RNF38: variants seen among roughly 807,000 people sequenced by gnomAD.
The protein encoded by RNF38 is E3 ubiquitin-protein ligase RNF38.
A neutral mutation model predicts 67.2 loss-of-function variants in RNF38; 15 were observed. That is an observed-to-expected ratio of 0.22 (90% CI 0.15 to 0.34). RNF38 has a LOEUF of 0.34. Ranked by LOEUF, RNF38 falls within the 10% of genes least tolerant of loss-of-function variation. The pLI, the probability that RNF38 is intolerant of heterozygous loss-of-function variation, is 1.00. For synonymous variants in RNF38, 220 were observed against 218.8 expected, an observed-to-expected ratio of 1.01 and a Z score of -0.05; for missense variants, 524 against 639.9, an observed-to-expected ratio of 0.82 and a Z score of 1.95.
intron 1 of RNF38, among the ~76,000 whole-genome samples, chr9:36,478,587 G>T (rs1346978642): frequency 6.6e-6 from 1 of 151,694 alleles, no homozygotes; most frequent in African/African-American, 2.4e-5. Flanking sequence ...GGAGGCCGAG[G>T]AGGGTAGATC....
chr9:36,345,159 A>G (rs1344472277), intron 9 of RNF38, among the ~76,000 whole-genome samples: 1 of 152,140 alleles, frequency 6.6e-6, no homozygotes, highest in African/African-American at 2.4e-5. Context: ...TGGAGCTACA[A>G]TTGCGTACCA....
At chr9:36,372,643 G>A (rs1158073249) in intron 3 of RNF38, 2 of 612,282 alleles carry the variant, frequency 3.3e-6, no homozygotes, top group East Asian at 2.9e-5. Flanking sequence ...ACACACTGCT[G>A]AAAAAAACAC....
Position 36,379,652 on chromosome 9 carries a change from C to T in RNF38, c.163-3525G>A, listed in dbSNP as rs151077999. ...AATATCCAATAAATGACAGAAGTAA[C>T]CCAGAGAGTACAATGAAATGAAATT... is the stretch of plus-strand genomic sequence containing the variant. On this transcript the variant is annotated intron_variant, in intron 2 of 11. Transcript: ENST00000259605. Among the ~76,000 whole-genome samples, 72 of 152,100 alleles carry T rather than the reference C, an allele frequency of 4.7e-4. No homozygotes were observed. In the South Asian group the frequency reaches 6.9e-3, roughly 14 times the overall value.
chr9:36,379,101 T>A (rs763796840), intron 2 of RNF38, among the ~76,000 whole-genome samples: 1 of 152,258 alleles, frequency 6.6e-6, no homozygotes, highest in Middle Eastern at 3.4e-3. Context: ...GGTTTCTCTG[T>A]GTTGGTCAGG....
chr9:36,420,365 T>G lies in RNF38; in HGVS notation n.312+4248A>C, dbSNP rs928420475. On this transcript the variant is annotated intron_variant and non_coding_transcript_variant, in intron 2 of 3. Transcript: ENST00000488058. ...GGCTAACACAGTGAAACCCCCTCTC[T>G]ACTACAAATACAAAAAATTAGCCAG... 5.3e-4 allele frequency among the ~76,000 whole-genome samples: 80 copies of G among 151,818 alleles called. 1 individual carries two copies. Among genetic ancestry groups the G allele is most frequent in the African/African-American group, 1.9e-3 (77 of 41,366 alleles).
At chr9:36,467,455 G>A (rs193045397) in intron 1 of RNF38, among the ~76,000 whole-genome samples, 1 of 152,122 alleles carries the variant, frequency 6.6e-6, no homozygotes, top group East Asian at 1.9e-4. Flanking sequence ...CAAGGAGGCT[G>A]CAGCTCTGAG....
At chr9:36,410,365 C>T (rs533364688) in intron 2 of RNF38, among the ~76,000 whole-genome samples, 7 of 152,154 alleles carry the variant, frequency 4.6e-5, no homozygotes, top group Admixed American at 3.3e-4. Flanking sequence ...CTTGCTCTGT[C>T]GCCCAGGCTG....
chr9:36,436,808 C>T (rs1472276283), intron 1 of RNF38, among the ~76,000 whole-genome samples: 2 of 112,780 alleles, frequency 1.8e-5, no homozygotes, highest in East Asian at 2.5e-4. Flanking sequence ...GGCGACAGAG[C>T]GAGACTCCTC....
At chr9:36,388,939 GAACT>G (rs1321061957) in intron 2 of RNF38, among the ~76,000 whole-genome samples, 2 of 152,080 alleles carry the variant, frequency 1.3e-5, no homozygotes, top group East Asian at 1.9e-4. Context: ...AGCATAACTG[GAACT>G]AACAAATTAC....
At chr9:36,397,116 T>C (rs1837597023) in intron 1 of RNF38, among the ~76,000 whole-genome samples, 2 of 149,448 alleles carry the variant, frequency 1.3e-5, no homozygotes, top group Admixed American at 1.3e-4. Flanking sequence ...TTTTTTTTTT[T>C]TGAGACAGAG....
intron 2 of RNF38, among the ~76,000 whole-genome samples, chr9:36,416,491 C>T (rs1450808143): frequency 6.6e-6 from 1 of 152,032 alleles, no homozygotes; most frequent in African/African-American, 2.4e-5. Flanking sequence ...CAGGTCTTGC[C>T]CCTCCCTGCC....
chr9:36,467,268 CACAT>C (rs922757415), intron 1 of RNF38, among the ~76,000 whole-genome samples: 5 of 135,592 alleles, frequency 3.7e-5, no homozygotes, highest in African/African-American at 1.4e-4. Flanking sequence ...CATATACACA[CACAT>C]ACATATATGG....
chr9:36,418,671 A>G (rs1418428726), intron 2 of RNF38, among the ~76,000 whole-genome samples: 4 of 152,168 alleles, frequency 2.6e-5, no homozygotes, highest in Non-Finnish European at 4.4e-5. Flanking sequence ...CTGTAATCCC[A>G]GCAACTCAGG....
At chr9:36,457,457 T>C (rs1291172305) in intron 1 of RNF38, among the ~76,000 whole-genome samples, 1 of 152,198 alleles carries the variant, frequency 6.6e-6, no homozygotes, top group Non-Finnish European at 1.5e-5. Context: ...GCTTACACCA[T>C]TAGATTCTGA....
At chr9:36,380,479 C>T (rs1355708708) in intron 2 of RNF38, among the ~76,000 whole-genome samples, 1 of 151,384 alleles carries the variant, frequency 6.6e-6, no homozygotes, top group Non-Finnish European at 1.5e-5. Flanking sequence ...GGATTACAGG[C>T]GTGAGCCACT....
chr9:36,362,517 G>T (rs182583791), intron 4 of RNF38, among the ~76,000 whole-genome samples: 1 of 149,122 alleles, frequency 6.7e-6, no homozygotes, highest in Admixed American at 6.7e-5. Context: ...TAACCATCAC[G>T]TAGGTCAATA....
intron 2 of RNF38, among the ~76,000 whole-genome samples, chr9:36,379,578 G>C (rs751611026): frequency 6.6e-6 from 1 of 152,102 alleles, no homozygotes; most frequent in Non-Finnish European, 1.5e-5. Flanking sequence ...AAAATCACTT[G>C]ATGTGTGCTC....
At chr9:36,396,970 AT>A (rs758747804) in intron 1 of RNF38, among the ~76,000 whole-genome samples, 1 of 151,782 alleles carries the variant, frequency 6.6e-6, no homozygotes, top group Non-Finnish European at 1.5e-5. Flanking sequence ...TAAAAAAAAA[AT>A]CATTCTCTCA....
chr9:36,408,860 ATACT>A (rs2134189182), intron 2 of RNF38, among the ~76,000 whole-genome samples: 2 of 152,346 alleles, frequency 1.3e-5, no homozygotes, highest in East Asian at 3.9e-4. Flanking sequence ...TAAATGGGTT[ATACT>A]TACATAAGTG....
Sources: gnomAD v4.1 joint callset for allele counts (sites outside exome capture counted in the v4.1 genomes callset) on GRCh38, gnomAD v4.1.1 for gene constraint, MANE v1.5 for transcripts, NCBI Gene and HGNC (gene_info 2026-07-23, HGNC 2026-07-21) for gene names.